C21orf91: variants seen among roughly 807,000 people sequenced by gnomAD.
C21orf91 encodes protein EURL homolog.
A neutral mutation model predicts 32.9 loss-of-function variants in C21orf91; 26 were observed. The ratio of observed to expected loss-of-function variants is 0.79; its 90% CI spans 0.58 to 1.10. C21orf91 has a LOEUF of 1.10. Among genes scored for constraint, C21orf91 ranks in the 50% least tolerant of loss-of-function variants. C21orf91 has a pLI of 0.00. For missense variants in C21orf91, 310 were observed against 341.3 expected, an observed-to-expected ratio of 0.91 and a Z score of 0.72; for synonymous variants, 126 against 120.4, an observed-to-expected ratio of 1.05 and a Z score of -0.31.
At chr21:17,812,698 A>C (rs545267053) in intron 2 of C21orf91, among the ~76,000 whole-genome samples, 1 of 152,058 alleles carries the variant, frequency 6.6e-6, no homozygotes, top group African/African-American at 2.4e-5. Flanking sequence ...AGTCCCAGCT[A>C]CTCAGGAGGC....
At chr21:17,800,673 A>AT (rs2062553062) in intron 2 of C21orf91, among the ~76,000 whole-genome samples, 1 of 152,266 alleles carries the variant, frequency 6.6e-6, no homozygotes, top group Non-Finnish European at 1.5e-5. Context: ...GAGCTGAGTT[A>AT]TAATAATTTC....
At chr21:17,806,232 A>G (rs774765868) in intron 2 of C21orf91, among the ~76,000 whole-genome samples, 3 of 152,144 alleles carry the variant, frequency 2.0e-5, no homozygotes, top group Non-Finnish European at 4.4e-5. Flanking sequence ...CCATAACACG[A>G]ACCTGCTTAC....
chr21:17,817,989 T>TAA, intron 2 of C21orf91: 7 of 322,442 alleles, frequency 2.2e-5, no homozygotes, highest in South Asian at 9.9e-5. Flanking sequence ...CAGGGGTCTT[T>TAA]AAAAAAAAAA....
chr21:17,800,798 T>C (rs1184455870), intron 2 of C21orf91, among the ~76,000 whole-genome samples: 1 of 152,204 alleles, frequency 6.6e-6, no homozygotes, highest in African/African-American at 2.4e-5. Flanking sequence ...AAGATATCCA[T>C]GTCACTTTTT....
chr21:17,802,673 T>C (rs1279552927), intron 2 of C21orf91, among the ~76,000 whole-genome samples: 3 of 152,226 alleles, frequency 2.0e-5, no homozygotes, highest in African/African-American at 7.2e-5. Context: ...TGAGGAAGAC[T>C]TGATTTATAA....
intron 2 of C21orf91, chr21:17,811,569 TG>T (rs1207590989): frequency 2.6e-5 from 4 of 152,206 alleles, no homozygotes; most frequent in Admixed American, 2.0e-4. Flanking sequence ...GGAGAGGTGA[TG>T]TCTCTTTATC....
chr21:17,789,231 C>T lies in C21orf91; in HGVS notation c.*4184G>A, dbSNP rs243608. On this transcript the variant is annotated 3_prime_UTR_variant, in exon 5 of 5. Transcript: ENST00000284881. ...GATTAAGTTCAATGACCATAGTATA[C>T]GCTACTGTTTTAAAGCAAGGTTCAC... is the stretch of plus-strand genomic sequence containing the variant. 123,438 of 151,378 alleles carry T rather than the reference C, an allele frequency of 0.82. 51,067 individuals carry two copies. Among genetic ancestry groups the T allele is most frequent in the African/African-American group, 0.95 (39,260 of 41,286 alleles). 9.4% of individuals were successfully genotyped at this position (151,378 alleles called of 1,614,324 possible). A position where few individuals can be genotyped will look rare whatever the true frequency, so the allele number is the denominator to read the frequency against.
chr21:17,815,671 T>G lies in C21orf91; in HGVS notation c.127+2521A>C, dbSNP rs140764846. Among the ~76,000 whole-genome samples the G allele has an allele frequency of 8.8e-3, 1,328 of 151,474 alleles. 24 individuals are homozygous for G. The highest frequency in any genetic ancestry group is 0.03 in the African/African-American group (1,211 of 40,734). On this transcript the variant is annotated intron_variant, in intron 2 of 4. Coordinates refer to ENST00000284881, the MANE Select transcript of C21orf91 (RefSeq NM_001100420.2). ...CTCCTCTTTTCTAAAATAATTTTTTTTTTTTTGAGACAGAGTTTTGCTCTT... is the reference window on the plus strand; with the variant it reads ...CTCCTCTTTTCTAAAATAATTTTTTGTTTTTTGAGACAGAGTTTTGCTCTT...
intron 2 of C21orf91, among the ~76,000 whole-genome samples, chr21:17,800,796 C>T (rs1000597309): frequency 3.9e-5 from 6 of 152,098 alleles, no homozygotes; most frequent in African/African-American, 1.4e-4. Context: ...CAAAGATATC[C>T]ATGTCACTTT....
chr21:17,809,840 C>T (rs1453547322), intron 2 of C21orf91, among the ~76,000 whole-genome samples: 1 of 152,050 alleles, frequency 6.6e-6, no homozygotes, highest in Non-Finnish European at 1.5e-5. Context: ...TGAAATCAAC[C>T]ACAGCGCTTT....
intron 2 of C21orf91, among the ~76,000 whole-genome samples, chr21:17,815,081 T>A (rs1272487970): frequency 6.6e-6 from 1 of 152,170 alleles, no homozygotes; most frequent in African/African-American, 2.4e-5. Context: ...GATTAGATTG[T>A]CTTTTGTTAT....
In C21orf91 at chr21:17,795,257, A is replaced by C. The variant is rs375258768; in HGVS notation, c.678T>G (p.Thr226=). ...HYSREELNSM[T]LGEVEQLNAK... is the part of the protein sequence containing the mutation. Reference sequence around the variant, plus strand: ...CATTCAGTTGCTCTACCTCACCAAGAGTCATCGAATTCACTGAAACATGAA... The same window carrying C: ...CATTCAGTTGCTCTACCTCACCAAGCGTCATCGAATTCACTGAAACATGAA... Residue 226 remains threonine, a synonymous_variant, in exon 4 of 5, where the codon ACT becomes ACG. Transcript: ENST00000284881. 1.4e-4 allele frequency: 218 copies of C among 1,608,780 alleles called. No homozygotes were observed. The highest frequency in any genetic ancestry group is 1.7e-4 in the Non-Finnish European group (204 of 1,175,518).
rs142583254 is a variant in C21orf91 at position 17,798,719 on chromosome 21, T to C, written c.128-1601A>G. On this transcript the variant is annotated intron_variant, in intron 2 of 4. Coordinates refer to ENST00000284881, the MANE Select transcript of C21orf91 (RefSeq NM_001100420.2). ...CAAAGCTTTATTTGATAATAGAGTA[T>C]ACATCTTTAAAAATGGGAAACTGAC... Among the ~76,000 whole-genome samples, 603 of 152,324 alleles carry C rather than the reference T, an allele frequency of 4.0e-3. 3 individuals carry two copies. The highest frequency in any genetic ancestry group is 0.014 in the African/African-American group (583 of 41,574).
chr21:17,815,521 C>T (rs896899654), intron 2 of C21orf91, among the ~76,000 whole-genome samples: 1 of 152,180 alleles, frequency 6.6e-6, no homozygotes, highest in Admixed American at 6.5e-5. Flanking sequence ...TTACCGACAA[C>T]AAATATACCT....
chr21:17,809,675 T>C (rs8126711), intron 2 of C21orf91, among the ~76,000 whole-genome samples: 38 of 152,336 alleles, frequency 2.5e-4, no homozygotes, highest in African/African-American at 9.1e-4. Flanking sequence ...ATAATTTATT[T>C]ATTCTATTGT....
In C21orf91 at chr21:17,793,573, C is replaced by A; in HGVS notation, c.736G>T (p.Glu246Ter). ...KLLQQIQEVF[E>*]ELTHQVQEKD... ...TCTTGCACTTGGTGAGTTAACTCTT[C>A]AAAAACTTCTGTAAAAGATTTAAAA... The change falls in exon 5 of 5, where the codon GAA becomes TAA. Residue 246 changes from glutamate to a stop codon, truncating the protein, a stop_gained. Coordinates refer to ENST00000284881, the MANE Select transcript of C21orf91 (RefSeq NM_001100420.2). LOFTEE classifies it high-confidence loss of function. The A allele has an allele frequency of 6.2e-7, 1 of 1,604,454 alleles. No homozygotes were observed. Among genetic ancestry groups the A allele is most frequent in the South Asian group, 1.1e-5 (1 of 90,236 alleles).
At chr21:17,794,109 GATC>G (rs1461217837) in intron 4 of C21orf91, among the ~76,000 whole-genome samples, 1 of 152,146 alleles carries the variant, frequency 6.6e-6, no homozygotes, top group Non-Finnish European at 1.5e-5. Flanking sequence ...AATTAAATGA[GATC>G]ATATTTGTAA....
chr21:17,802,319 CGTG>C lies in C21orf91; in HGVS notation c.128-5204_128-5202del, dbSNP rs566781066. Among the ~76,000 whole-genome samples the C allele has an allele frequency of 2.0e-5, 3 of 152,166 alleles. No homozygotes were observed. The South Asian group carries it at 6.2e-4, about 31-fold the overall frequency. On this transcript the variant is annotated intron_variant, in intron 2 of 4. Coordinates refer to ENST00000284881, the MANE Select transcript of C21orf91 (RefSeq NM_001100420.2). ...GGGACTATAGGCACGCACCACCACA[CGTG>C]GTTAATTTTTGTGTTTTTAGTAGAG...
intron 2 of C21orf91, among the ~76,000 whole-genome samples, chr21:17,815,848 C>T (rs558745322): frequency 1.3e-5 from 2 of 152,088 alleles, no homozygotes; most frequent in African/African-American, 2.4e-5. Flanking sequence ...TTAGTAGAGA[C>T]GGGGTTTCTC....
Sources: gnomAD v4.1 joint callset for allele counts (sites outside exome capture counted in the v4.1 genomes callset) on GRCh38, gnomAD v4.1.1 for gene constraint, MANE v1.5 for transcripts, NCBI Gene and HGNC (gene_info 2026-07-23, HGNC 2026-07-21) for gene names.